ITGA9: variants seen among roughly 807,000 people sequenced by gnomAD.
ITGA9 encodes integrin subunit alpha 9.
In ITGA9, 56 loss-of-function variants were observed where a neutral mutation model predicts 127.8. The ratio of observed to expected loss-of-function variants is 0.44; its 90% confidence interval spans 0.35 to 0.55. ITGA9 has a LOEUF of 0.55. Among genes scored for constraint, ITGA9 ranks in the 20% least tolerant of loss-of-function variants. The pLI is 0.00. For missense variants in ITGA9, 1,196 were observed against 1,347.1 expected (o/e 0.89, Z 1.76); for synonymous variants, 508 against 514.5 (o/e 0.99, Z 0.17).
chr3:37,498,739 G>A (rs868463688), intron 5 of ITGA9, among the ~76,000 whole-genome samples: 1 of 152,224 alleles, frequency 6.6e-6, no homozygotes, highest in African/African-American at 2.4e-5. Flanking sequence ...CTCTGACCCC[G>A]GCCTGCTGTC....
chr3:37,629,700 A>G lies in ITGA9; in HGVS notation c.1839+364A>G, dbSNP rs1386862499. On this transcript the variant is annotated intron_variant, in intron 16 of 27. Coordinates refer to ENST00000264741, the MANE Select transcript of ITGA9 (RefSeq NM_002207.3). The surrounding 1 kb of genome is among the most constrained non-coding windows in gnomAD (Gnocchi z 4.5). ...GCTTAATGAATGTTTTATTGGTGGG[A>G]GAATGAGTGAGGTGAAGAAGCAAGA... is the stretch of plus-strand genomic sequence containing the variant. Among the ~76,000 whole-genome samples, 1 of 152,144 alleles carries G rather than the reference A, an allele frequency of 6.6e-6. No homozygotes were observed. Among genetic ancestry groups the G allele is most frequent in the Non-Finnish European group, 1.5e-5 (1 of 68,022 alleles).
rs977904944 is a variant in ITGA9, at chr3:37,494,490, C to A, written c.545-11C>A. 2 of 1,602,278 alleles carry A rather than the reference C, an allele frequency of 1.2e-6. No individual in the cohort carries two copies. The highest frequency in any genetic ancestry group is 2.2e-5 in the South Asian group (2 of 90,628). On this transcript the variant is annotated splice_polypyrimidine_tract_variant and intron_variant, in intron 4 of 27. Coordinates refer to ENST00000264741, the MANE Select transcript of ITGA9 (RefSeq NM_002207.3). ...GCTGTGGTTTGCTTCTCTCTCCTTC[C>A]TTCCCCCTAGAGTATAAGAAGAAGT...
At chr3:37,464,681 A>G (rs1459214582) in intron 1 of ITGA9, among the ~76,000 whole-genome samples, 1 of 152,176 alleles carries the variant, frequency 6.6e-6, no homozygotes, top group Non-Finnish European at 1.5e-5. Context: ...TAACTTTCCC[A>G]TAAAGCTTAG....
intron 15 of ITGA9, among the ~76,000 whole-genome samples, chr3:37,627,508 A>G (rs1700187983): frequency 1.3e-5 from 2 of 152,240 alleles, no homozygotes; most frequent in Admixed American, 1.3e-4. Context: ...CCGTACACGT[A>G]GGACTACCAC....
chr3:37,749,933 G>A (rs1271798408), intron 22 of ITGA9, among the ~76,000 whole-genome samples: 2 of 152,158 alleles, frequency 1.3e-5, no homozygotes, highest in Non-Finnish European at 2.9e-5. Flanking sequence ...GTCTCAAGTG[G>A]TGGTTCCTGG....
intron 15 of ITGA9, among the ~76,000 whole-genome samples, chr3:37,550,976 G>T (rs1699372689): frequency 6.6e-6 from 1 of 152,174 alleles, no homozygotes; most frequent in Non-Finnish European, 1.5e-5. Flanking sequence ...TTGTTAATAA[G>T]TTGGTCATAT....
At chr3:37,632,694 G>A (rs759521866) in intron 16 of ITGA9, among the ~76,000 whole-genome samples, 1 of 152,126 alleles carries the variant, frequency 6.6e-6, no homozygotes, top group Non-Finnish European at 1.5e-5. Flanking sequence ...AATTCTAAAT[G>A]TTTCGAGGGC....
chr3:37,627,762 G>A (rs1438149508), intron 15 of ITGA9, among the ~76,000 whole-genome samples: 1 of 152,098 alleles, frequency 6.6e-6, no homozygotes, highest in African/African-American at 2.4e-5. Flanking sequence ...GTCAGCAAGG[G>A]CATCCATATA....
In ITGA9 at chr3:37,779,992, A is replaced by G; in HGVS notation, c.2758A>G (p.Met920Val). Reference sequence around the variant, plus strand: ...AGAAAGTCGTACTATAGACATTTACATGCTGCTGAACACAGAAATACTGAA... The same window carrying G: ...AGAAAGTCGTACTATAGACATTTACGTGCTGCTGAACACAGAAATACTGAA... ...KEESRTIDIY[M>V]LLNTEILKKD... Residue 920 changes from methionine to valine, a missense_variant, in exon 25 of 28, where the codon ATG becomes GTG. Physicochemically the swap from Met to Val is conservative, Grantham distance 21. Transcript: ENST00000264741. The G allele has an allele frequency of 6.2e-7, 1 of 1,614,148 alleles. No homozygotes were observed. The highest frequency in any genetic ancestry group is 1.1e-5 in the South Asian group (1 of 91,078).
chr3:37,514,036 C>T, intron 9 of ITGA9, 136 bp downstream of exon 9: 5 of 1,027,856 alleles, frequency 4.9e-6, no homozygotes, highest in Non-Finnish European at 6.0e-6. Context: ...TGATATCTGT[C>T]TTGAATAAGC....
intron 15 of ITGA9, among the ~76,000 whole-genome samples, chr3:37,592,411 C>T (rs1699829525): frequency 1.3e-5 from 2 of 152,278 alleles, no homozygotes; most frequent in African/African-American, 4.8e-5. Context: ...ATTTCTGCCT[C>T]CTGGGGGCAG....
intron 15 of ITGA9, among the ~76,000 whole-genome samples, chr3:37,592,610 G>A (rs966548478): frequency 6.6e-6 from 1 of 152,134 alleles, no homozygotes; most frequent in Non-Finnish European, 1.5e-5. Flanking sequence ...CATATCAGTG[G>A]TAGGAGATGG....
At chr3:37,602,792 G>A (rs1317943933) in intron 15 of ITGA9, among the ~76,000 whole-genome samples, 1 of 152,090 alleles carries the variant, frequency 6.6e-6, no homozygotes, top group Non-Finnish European at 1.5e-5. Flanking sequence ...TATATCATGG[G>A]TGCCACCATT....
In ITGA9 at chr3:37,704,145, C is replaced by A. The variant is rs570625675; in HGVS notation, c.2067+20130C>A. ...GTGCCAGGTGCTTTGTGAATTAGAT[C>A]TTTCTTATTACATCACGGCCAGTTT... On this transcript the variant is annotated intron_variant, in intron 18 of 27. Transcript: ENST00000264741. 2.0e-5 allele frequency among the ~76,000 whole-genome samples: 3 copies of A among 152,278 alleles called. No homozygotes were observed. The East Asian group carries it at 5.8e-4, about 29-fold the overall frequency.
At chr3:37,740,054 G>A (rs1696414521) in intron 20 of ITGA9, among the ~76,000 whole-genome samples, 1 of 152,190 alleles carries the variant, frequency 6.6e-6, no homozygotes, top group Admixed American at 6.5e-5. Context: ...GTGGCCCTAT[G>A]GGGTCAGCGT....
chr3:37,500,390 G>T (rs1440011732), intron 5 of ITGA9, among the ~76,000 whole-genome samples: 1 of 152,146 alleles, frequency 6.6e-6, no homozygotes, highest in African/African-American at 2.4e-5. Context: ...AAAATGAAGT[G>T]CTCATCAACA....
intron 18 of ITGA9, among the ~76,000 whole-genome samples, chr3:37,701,146 G>A (rs961637169): frequency 6.6e-6 from 1 of 152,208 alleles, no homozygotes; most frequent in Non-Finnish European, 1.5e-5. Context: ...TCCTGCCAGA[G>A]CAGTCCTTTG....
chr3:37,542,559 T>A lies in ITGA9; in HGVS notation c.1663T>A (p.Cys555Ser). 6.2e-7 allele frequency: 1 copy of A among 1,614,192 alleles called. No individual in the cohort carries two copies. The highest frequency in any genetic ancestry group is 8.5e-7 in the Non-Finnish European group (1 of 1,180,028). Residue 555 changes from cysteine (C) to serine (S), a missense_variant, in exon 15 of 28, where the codon TGT becomes AGT. Physicochemically the swap from Cys to Ser is moderately radical, Grantham distance 112. Transcript: ENST00000264741. ...GCAGCTGACTTACATGGAGGAGACG[T>A]GTCGTCACTATGTGGCCCATGTGAA... is the stretch of plus-strand genomic sequence containing the variant. Reference protein sequence around the residue: ...KLQLTYMEETCRHYVAHVKRR... With the variant: ...KLQLTYMEETSRHYVAHVKRR...
chr3:37,542,425 G>T lies in ITGA9; in HGVS notation c.1529G>T (p.Gly510Val). 1 of 1,613,340 alleles carries T rather than the reference G, an allele frequency of 6.2e-7. No individual in the cohort carries two copies. Among genetic ancestry groups the T allele is most frequent in the South Asian group, 1.1e-5 (1 of 91,016 alleles). The change falls in exon 15 of 28, where the codon GGC (glycine) becomes GTC (valine). Residue 510 changes from glycine (G) to valine (V), a missense_variant and splice_region_variant. Gly to Val is a moderately radical substitution (Grantham distance 109). Transcript: ENST00000264741. Reference sequence around the variant, plus strand: ...ATTTTGACCTCTCATTTATTGGCAGGCCTGAATTATGTTCTGATGGCTGAC... The same window carrying T: ...ATTTTGACCTCTCATTTATTGGCAGTCCTGAATTATGTTCTGATGGCTGAC... ...FHGKHVPGEIGLNYVLMADVA... is the reference protein window; with the variant it reads ...FHGKHVPGEIVLNYVLMADVA...
Sources: gnomAD v4.1 joint callset for allele counts (sites outside exome capture counted in the v4.1 genomes callset) on GRCh38, gnomAD v4.1.1 for gene constraint, Gnocchi (gnomAD v3.1) non-coding constraint, MANE v1.5 for transcripts, NCBI Gene and HGNC (gene_info 2026-07-23, HGNC 2026-07-21) for gene names.